RBM20: variants seen among roughly 807,000 people sequenced by gnomAD.
RBM20 encodes RNA binding motif protein 20, also known as RNA-binding protein 20.
Under a neutral mutation model 110.1 loss-of-function variants are expected in RBM20, and 51 were observed. That is an observed-to-expected ratio of 0.46 (90% confidence interval 0.37 to 0.59). RBM20 has a LOEUF of 0.59. Among genes scored for constraint, RBM20 ranks in the 20% least tolerant of loss-of-function variants. The pLI is 0.00. For missense variants in RBM20, 1,512 were observed against 1,574.9 expected, an observed-to-expected ratio of 0.96 and a Z score of 0.68; for synonymous variants, 589 against 618.2, an observed-to-expected ratio of 0.95 and a Z score of 0.70.
intron 1 of RBM20, among the ~76,000 whole-genome samples, chr10:110,710,261 A>T: frequency 6.6e-6 from 1 of 152,222 alleles, no homozygotes; most frequent in East Asian, 1.9e-4. Context: ...GCTGGTGGTC[A>T]TGCTGAACTG....
intron 1 of RBM20, among the ~76,000 whole-genome samples, chr10:110,651,663 C>T (rs930818660): frequency 2.0e-5 from 3 of 152,172 alleles, no homozygotes; most frequent in Non-Finnish European, 2.9e-5. Flanking sequence ...TACAGGAGCA[C>T]GGCTGTGGCT....
chr10:110,802,777 C>T (rs149519867), intron 7 of RBM20, among the ~76,000 whole-genome samples: 1 of 152,212 alleles, frequency 6.6e-6, no homozygotes, highest in African/African-American at 2.4e-5. Context: ...AGCAAGCTGG[C>T]GAGGAGCTCA....
intron 12 of RBM20, among the ~76,000 whole-genome samples, chr10:110,830,459 A>G (rs1038385192): frequency 2.6e-5 from 4 of 152,212 alleles, no homozygotes; most frequent in Non-Finnish European, 5.9e-5. Context: ...TTCACGAAAA[A>G]AAGAGGACAG....
chr10:110,769,387 C>G (rs1477916853), intron 1 of RBM20, among the ~76,000 whole-genome samples: 2 of 152,162 alleles, frequency 1.3e-5, no homozygotes. Flanking sequence ...ACCCTCTGTT[C>G]TCTGTACTAG....
chr10:110,657,333 A>T (rs1590599001), intron 1 of RBM20, among the ~76,000 whole-genome samples: 3 of 150,508 alleles, frequency 2.0e-5, no homozygotes, highest in African/African-American at 7.3e-5. Context: ...TTTTTTTTTA[A>T]TGGCCATCCT....
intron 1 of RBM20, among the ~76,000 whole-genome samples, chr10:110,673,823 G>T (rs1862294857): frequency 6.6e-6 from 1 of 152,178 alleles, no homozygotes; most frequent in South Asian, 2.1e-4. Flanking sequence ...GGTTGTGTTG[G>T]ATTGCTAAGT....
At chr10:110,759,419 C>T (rs1416085875) in intron 1 of RBM20, among the ~76,000 whole-genome samples, 1 of 152,082 alleles carries the variant, frequency 6.6e-6, no homozygotes, top group Non-Finnish European at 1.5e-5. Flanking sequence ...TGAATTGCCA[C>T]TTTATGTTGA....
At chr10:110,721,121 G>T (rs572933471) in intron 1 of RBM20, among the ~76,000 whole-genome samples, 8 of 152,162 alleles carry the variant, frequency 5.3e-5, no homozygotes, top group Non-Finnish European at 1.0e-4. Flanking sequence ...CAAGCACCCC[G>T]TAATCCCTTT....
Position 110,780,782 on chromosome 10 carries a change from G to T in RBM20, c.192-19G>T, listed in dbSNP as rs1209808680. 1 of 1,495,728 alleles carries T rather than the reference G, an allele frequency of 6.7e-7. No homozygotes were observed. Among genetic ancestry groups the T allele is most frequent in the South Asian group, 1.4e-5 (1 of 73,932 alleles). 92.7% of individuals were successfully genotyped at this position (1,495,728 alleles called of 1,614,324 possible). A position where few individuals can be genotyped will look rare whatever the true frequency, so the allele number is the denominator to read the frequency against. On this transcript the variant is annotated intron_variant, in intron 1 of 13. Coordinates refer to ENST00000369519, the MANE Select transcript of RBM20 (RefSeq NM_001134363.3). ...TCATTGAAAACCAGCTGTGCATCTA[G>T]ACCTCTGTCTTCCCACAGTGCCGCC...
At chr10:110,681,457 G>C (rs1862422042) in intron 1 of RBM20, among the ~76,000 whole-genome samples, 1 of 152,232 alleles carries the variant, frequency 6.6e-6, no homozygotes, top group Admixed American at 6.5e-5. Context: ...GTTGAGGCAT[G>C]CTCTCTGCTA....
At chr10:110,773,697 G>A (rs964940322) in intron 1 of RBM20, among the ~76,000 whole-genome samples, 40 of 152,178 alleles carry the variant, frequency 2.6e-4, no homozygotes, top group African/African-American at 8.9e-4. Flanking sequence ...AGCAGAATGT[G>A]TATCATTTTC....
At chr10:110,679,540 CAT>C (rs1290303793) in intron 1 of RBM20, among the ~76,000 whole-genome samples, 1 of 152,206 alleles carries the variant, frequency 6.6e-6, no homozygotes, top group Admixed American at 6.5e-5. Flanking sequence ...TAATAATTAT[CAT>C]AGTTCCTGTT....
At chr10:110,690,405 CA>C (rs11447889) in intron 1 of RBM20, among the ~76,000 whole-genome samples, 3 of 148,654 alleles carry the variant, frequency 2.0e-5, no homozygotes, top group Non-Finnish European at 4.5e-5. Context: ...GACCCTGTCT[CA>C]AAAAAAAACA....
chr10:110,775,056 G>A (rs548114616), intron 1 of RBM20, among the ~76,000 whole-genome samples: 2 of 152,292 alleles, frequency 1.3e-5, no homozygotes, highest in South Asian at 2.1e-4. Flanking sequence ...TCCTCTCTTT[G>A]CTTTAAGTCT....
At chr10:110,656,592 A>G (rs74950210) in intron 1 of RBM20, among the ~76,000 whole-genome samples, 238 of 152,294 alleles carry the variant, frequency 1.6e-3, no homozygotes, top group African/African-American at 5.4e-3. Context: ...CATTGCCTCA[A>G]AAGGAAACTT....
chr10:110,821,418 GC>G lies in RBM20; in HGVS notation c.2802del (p.Ile935LeufsTer15), dbSNP rs2135121046. Reference sequence around the variant, plus strand: ...ACATCCCAGAGCTGGAAGAAATTGTGCCCATTGACCAGAAAGACAAAATTTG... The same window carrying G: ...ACATCCCAGAGCTGGAAGAAATTGTGCCATTGACCAGAAAGACAAAATTTG... ...PDIPELEEIV[P>X]IDQKDKICPE... On this transcript the variant is annotated frameshift_variant, in exon 11 of 14. Transcript: ENST00000369519. LOFTEE classifies it high-confidence loss of function. The G allele has an allele frequency of 6.4e-7, 1 of 1,551,760 alleles. No homozygotes were observed. The highest frequency in any genetic ancestry group is 8.7e-7 in the Non-Finnish European group (1 of 1,147,016).
chr10:110,823,472 T>G lies in RBM20; in HGVS notation c.3317-8T>G. 1 of 1,370,804 alleles carries G rather than the reference T, an allele frequency of 7.3e-7. No homozygotes were observed. The highest frequency in any genetic ancestry group is 1.4e-5 in the South Asian group (1 of 72,076). The allele number at this position is 1,370,804 out of a possible 1,614,324, so 84.9% of individuals were successfully genotyped here. A position where few individuals can be genotyped will look rare whatever the true frequency, so the allele number is the denominator to read the frequency against. On this transcript the variant is annotated splice_region_variant and splice_polypyrimidine_tract_variant and intron_variant, in intron 11 of 13. Coordinates refer to ENST00000369519, the MANE Select transcript of RBM20 (RefSeq NM_001134363.3). The stretch of plus-strand genomic sequence containing the variant: ...TTTTTTTTTTTTGCCTTGGTTCATG[T>G]TTTGCAGAAAACTCCAGGTACGTGG...
At chr10:110,766,960 C>A (rs1447727442) in intron 1 of RBM20, among the ~76,000 whole-genome samples, 1 of 147,662 alleles carries the variant, frequency 6.8e-6, no homozygotes, top group African/African-American at 2.5e-5. Context: ...GGGGGTGACC[C>A]CCCCACCTCC....
At chr10:110,686,660 A>G (rs986611323) in intron 1 of RBM20, among the ~76,000 whole-genome samples, 2 of 152,116 alleles carry the variant, frequency 1.3e-5, no homozygotes, top group African/African-American at 2.4e-5. Context: ...GGAAATTACA[A>G]TTTTATCTAA....
Sources: gnomAD v4.1 joint callset for allele counts (sites outside exome capture counted in the v4.1 genomes callset) on GRCh38, gnomAD v4.1.1 for gene constraint, MANE v1.5 for transcripts, NCBI Gene and HGNC (gene_info 2026-07-23, HGNC 2026-07-21) for gene names.